The following PTPRK variants were observed in gnomAD, a reference collection of about 807,000 sequenced individuals.
PTPRK encodes the protein receptor-type tyrosine-protein phosphatase kappa.
A neutral mutation model predicts 178.0 loss-of-function variants in PTPRK; 75 were observed. The ratio of observed to expected loss-of-function variants is 0.42; its 90% confidence interval spans 0.35 to 0.51. The LOEUF is 0.51. Ranked by LOEUF, PTPRK falls within the 20% of genes least tolerant of loss-of-function variation. The pLI is 0.02. For missense variants in PTPRK, 1,441 were observed against 1,797.8 expected, an observed-to-expected ratio of 0.80 and a Z score of 3.59; for synonymous variants, 637 against 620.6, an observed-to-expected ratio of 1.03 and a Z score of -0.39.
intron 5 of PTPRK, among the ~76,000 whole-genome samples, chr6:128,228,209 G>A (rs1811692042): frequency 6.6e-6 from 1 of 151,776 alleles, no homozygotes; most frequent in Non-Finnish European, 1.5e-5. Context: ...TGAATAATGA[G>A]TGAAAAAGGG....
Position 128,240,096 on chromosome 6 carries a change from T to G in PTPRK, c.632A>C (p.Asn211Thr). The G allele has an allele frequency of 6.2e-7, 1 of 1,614,074 alleles. No homozygotes were observed. The highest frequency in any genetic ancestry group is 1.3e-5 in the African/African-American group (1 of 75,042). Residue 211 changes from asparagine to threonine, a missense_variant, in exon 5 of 30, where the codon AAC becomes ACC. Asn to Thr is a moderately conservative substitution (Grantham distance 65, BLOSUM62 0). Transcript: ENST00000368226. ...LGDVEVNAGQ[N>T]ATFQCIATGR... The stretch of plus-strand genomic sequence containing the variant: ...TGTGGCAATGCACTGAAATGTAGCG[T>G]TTTGCCCTGCATTCACCTCTACATC...
At chr6:128,248,576 C>A (rs1271506984) in intron 3 of PTPRK, among the ~76,000 whole-genome samples, 1 of 152,070 alleles carries the variant, frequency 6.6e-6, no homozygotes, top group South Asian at 2.1e-4. Flanking sequence ...ATGTCAGGAA[C>A]CCAATACTGG....
At chr6:128,197,079 A>C (rs1414104208) in intron 6 of PTPRK, among the ~76,000 whole-genome samples, 1 of 152,114 alleles carries the variant, frequency 6.6e-6, no homozygotes, top group Non-Finnish European at 1.5e-5. Flanking sequence ...AAAATGATGC[A>C]CTAATATAAG....
At chr6:128,321,610 C>T in intron 3 of PTPRK, 1 of 562,848 alleles carries the variant, frequency 1.8e-6, no homozygotes, top group Non-Finnish European at 3.1e-6. Context: ...ATTTATTTCC[C>T]AAATGTTACT....
chr6:128,099,192 A>AT (rs1262281160), intron 7 of PTPRK, among the ~76,000 whole-genome samples: 19 of 149,328 alleles, frequency 1.3e-4, no homozygotes, highest in African/African-American at 4.5e-4. Flanking sequence ...ATATATATAT[A>AT]TATATTTTTT....
At chr6:128,114,410 G>C (rs535579337) in intron 7 of PTPRK, among the ~76,000 whole-genome samples, 66 of 151,902 alleles carry the variant, frequency 4.3e-4, no homozygotes, top group African/African-American at 1.5e-3. Flanking sequence ...CTAAGGTCAG[G>C]AGTTCAAAAC....
At chr6:128,344,409 C>A (rs1013436829) in intron 2 of PTPRK, among the ~76,000 whole-genome samples, 1 of 152,116 alleles carries the variant, frequency 6.6e-6, no homozygotes, top group African/African-American at 2.4e-5. Context: ...CTGTGTTTAT[C>A]AAAATAATGT....
chr6:128,065,642 TA>T (rs1781618423), intron 12 of PTPRK, among the ~76,000 whole-genome samples: 1 of 152,208 alleles, frequency 6.6e-6, no homozygotes, highest in African/African-American at 2.4e-5. Flanking sequence ...GTTGATAATT[TA>T]TAAAAGAGTT....
chr6:128,483,895 C>G (rs908554442), intron 1 of PTPRK, among the ~76,000 whole-genome samples: 1 of 152,098 alleles, frequency 6.6e-6, no homozygotes, highest in East Asian at 1.9e-4. Context: ...TAGATGATAT[C>G]TTTTTATGAA....
intron 1 of PTPRK, among the ~76,000 whole-genome samples, chr6:128,492,335 C>T (rs1447578142): frequency 3.9e-5 from 6 of 152,140 alleles, no homozygotes; most frequent in African/African-American, 1.4e-4. Context: ...CAGCATGTTC[C>T]CAGAATACCC....
intron 1 of PTPRK, among the ~76,000 whole-genome samples, chr6:128,454,757 T>C (rs967950426): frequency 6.6e-6 from 1 of 152,122 alleles, no homozygotes; most frequent in East Asian, 1.9e-4. Context: ...ATTTACCTTC[T>C]GTCTGAAGGA....
At chr6:128,478,715 C>A (rs1191712546) in intron 1 of PTPRK, among the ~76,000 whole-genome samples, 1 of 151,946 alleles carries the variant, frequency 6.6e-6, no homozygotes, top group East Asian at 1.9e-4. Flanking sequence ...TTCACTTGCC[C>A]ATATCAGAGA....
chr6:128,505,107 G>T (rs5879893), intron 1 of PTPRK, among the ~76,000 whole-genome samples: 10,103 of 135,304 alleles, frequency 0.075, 731 homozygotes, highest in African/African-American at 0.19. Flanking sequence ...AAATTTACTT[G>T]TTTTTTTTTT....
At chr6:128,410,134 G>A (rs1842137091) in intron 1 of PTPRK, among the ~76,000 whole-genome samples, 1 of 152,192 alleles carries the variant, frequency 6.6e-6, no homozygotes, top group African/African-American at 2.4e-5. Context: ...GAGGAAGTAA[G>A]ACATGAAAAT....
intron 1 of PTPRK, among the ~76,000 whole-genome samples, chr6:128,505,960 T>A (rs529659812): frequency 3.2e-4 from 48 of 152,314 alleles, no homozygotes; most frequent in African/African-American, 1.0e-3. Flanking sequence ...AACTACCTCA[T>A]TGTTTTGTGA....
At chr6:128,299,904 G>A (rs1219795230) in intron 3 of PTPRK, among the ~76,000 whole-genome samples, 1 of 152,088 alleles carries the variant, frequency 6.6e-6, no homozygotes, top group Non-Finnish European at 1.5e-5. Context: ...CCTCTGCACA[G>A]CAAAAGAAAC....
chr6:127,980,589 G>A (rs1434235341), intron 25 of PTPRK, among the ~76,000 whole-genome samples: 1 of 152,000 alleles, frequency 6.6e-6, no homozygotes, highest in East Asian at 1.9e-4. Context: ...TTTAGAATGG[G>A]GCAAGATTGT....
intron 13 of PTPRK, among the ~76,000 whole-genome samples, chr6:128,041,135 G>T (rs1777091436): frequency 6.6e-6 from 1 of 151,864 alleles, no homozygotes; most frequent in South Asian, 2.1e-4. Flanking sequence ...ATCAATAGGG[G>T]TTACATAATT....
intron 2 of PTPRK, among the ~76,000 whole-genome samples, chr6:128,369,789 T>C (rs1469772150): frequency 6.6e-6 from 1 of 152,120 alleles, no homozygotes; most frequent in East Asian, 1.9e-4. Context: ...CTGAAGAATA[T>C]TTTATAGCTA....
Sources: allele counts gnomAD v4.1 joint callset (sites outside exome capture counted in the v4.1 genomes callset), GRCh38; gene constraint gnomAD v4.1.1; transcripts MANE v1.5; gene names NCBI Gene and HGNC (gene_info 2026-07-23, HGNC 2026-07-21).